The following LRRTM4 variants were observed in gnomAD, a reference collection of about 807,000 sequenced individuals.
The protein encoded by LRRTM4 is leucine rich repeat transmembrane neuronal 4.
LRRTM4 carries 25 observed loss-of-function variants against 47.6 expected under a neutral mutation model. The ratio of observed to expected loss-of-function variants is 0.53; its 90% CI spans 0.38 to 0.73. The LOEUF (loss-of-function observed/expected upper bound fraction) is 0.73, where lower values mean the gene tolerates loss of function less well. Among genes scored for constraint, LRRTM4 ranks in the 30% least tolerant of loss-of-function variants. The pLI is 0.00. For synonymous variants in LRRTM4, 311 were observed against 269.5 expected (o/e 1.15, Z -1.51); for missense variants, 638 against 713.4 (o/e 0.89, Z 1.20).
At position 76,748,508 on chromosome 2, in the gene LRRTM4, G is replaced by T. The variant is rs1490357415; in HGVS notation, c.*187C>A. On this transcript the variant is annotated 3_prime_UTR_variant, in exon 4 of 4. Transcript: ENST00000409884. ...AAAGTTCTGCAGTCCTCCCGGTAAT[G>T]CTGCAGGTGCATTCGCTGCCCTCTT... is the stretch of plus-strand genomic sequence containing the variant. 1.0e-5 allele frequency: 6 copies of T among 591,112 alleles called. No homozygotes were observed. The highest frequency in any genetic ancestry group is 9.0e-6 in the Non-Finnish European group (3 of 333,790). 36.6% of individuals were successfully genotyped at this position (591,112 alleles called of 1,614,324 possible). A position where few individuals can be genotyped will look rare whatever the true frequency, so the allele number is the denominator to read the frequency against.
chr2:77,308,460 C>A (rs1677351818), intron 3 of LRRTM4, among the ~76,000 whole-genome samples: 1 of 152,152 alleles, frequency 6.6e-6, no homozygotes, highest in African/African-American at 2.4e-5. Context: ...AACTGACTAG[C>A]CCCTTTTAAT....
chr2:76,757,379 C>G (rs1361305767), intron 3 of LRRTM4, among the ~76,000 whole-genome samples: 1 of 152,070 alleles, frequency 6.6e-6, no homozygotes, highest in Non-Finnish European at 1.5e-5. Flanking sequence ...CTTTATTGCT[C>G]TCCTACCAGG....
chr2:77,184,765 T>C (rs1163364267), intron 3 of LRRTM4, among the ~76,000 whole-genome samples: 5 of 152,154 alleles, frequency 3.3e-5, no homozygotes, highest in African/African-American at 1.2e-4. Flanking sequence ...TGGAAAGTTA[T>C]TTTAATCAGA....
chr2:77,293,385 A>C (rs911058853), intron 3 of LRRTM4, among the ~76,000 whole-genome samples: 4 of 152,150 alleles, frequency 2.6e-5, no homozygotes, highest in Non-Finnish European at 4.4e-5. Context: ...CAACCCATTA[A>C]GAGAAATCCA....
At chr2:77,255,140 A>G (rs542463492) in intron 3 of LRRTM4, among the ~76,000 whole-genome samples, 1 of 152,124 alleles carries the variant, frequency 6.6e-6, no homozygotes, top group Non-Finnish European at 1.5e-5. Flanking sequence ...GTATTAATAT[A>G]AAGTACACTT....
At chr2:76,897,762 T>G (rs747297201) in intron 3 of LRRTM4, among the ~76,000 whole-genome samples, 1 of 152,180 alleles carries the variant, frequency 6.6e-6, no homozygotes, top group Non-Finnish European at 1.5e-5. Flanking sequence ...CTTGGAGGCA[T>G]GTTAATTCCC....
intron 3 of LRRTM4, among the ~76,000 whole-genome samples, chr2:77,420,065 C>T (rs957569374): frequency 2.0e-5 from 3 of 152,092 alleles, no homozygotes; most frequent in Admixed American, 1.3e-4. Context: ...TAGAATTAAC[C>T]CAAGGGTGAG....
intron 3 of LRRTM4, among the ~76,000 whole-genome samples, chr2:77,238,696 A>C (rs562075876): frequency 3.6e-4 from 55 of 152,252 alleles, no homozygotes; most frequent in African/African-American, 1.3e-3. Context: ...AAAGTTACAG[A>C]TAGCCATCCA....
At chr2:76,849,104 A>G (rs1222249573) in intron 3 of LRRTM4, among the ~76,000 whole-genome samples, 1 of 152,122 alleles carries the variant, frequency 6.6e-6, no homozygotes, top group Non-Finnish European at 1.5e-5. Context: ...AATGGAAATA[A>G]GATTTTTTTT....
intron 3 of LRRTM4, among the ~76,000 whole-genome samples, chr2:77,481,806 G>A (rs752629576): frequency 6.6e-6 from 1 of 151,842 alleles, no homozygotes; most frequent in African/African-American, 2.4e-5. Flanking sequence ...AAGGATGAAG[G>A]CAACAGCTTT....
intron 3 of LRRTM4, among the ~76,000 whole-genome samples, chr2:76,858,885 G>A (rs1262956602): frequency 2.0e-5 from 3 of 152,050 alleles, no homozygotes; most frequent in Admixed American, 6.6e-5. Flanking sequence ...GAATAGTTCA[G>A]AACTTTGGAA....
At chr2:76,828,730 A>C (rs1043486954) in intron 3 of LRRTM4, among the ~76,000 whole-genome samples, 1 of 151,840 alleles carries the variant, frequency 6.6e-6, no homozygotes. Context: ...GTGCCTCCTC[A>C]CAGTAGCTAA....
chr2:77,228,186 G>T (rs2103964683), intron 3 of LRRTM4, among the ~76,000 whole-genome samples: 1 of 152,192 alleles, frequency 6.6e-6, no homozygotes, highest in African/African-American at 2.4e-5. Flanking sequence ...ACAGAATTAA[G>T]ATATTATTAT....
chr2:76,787,216 A>C (rs1055625487), intron 3 of LRRTM4, among the ~76,000 whole-genome samples: 1 of 152,082 alleles, frequency 6.6e-6, no homozygotes, highest in Non-Finnish European at 1.5e-5. Flanking sequence ...ATGATCTGGG[A>C]AACATGTTGA....
At chr2:77,276,343 AGG>A (rs201769343) in intron 3 of LRRTM4, among the ~76,000 whole-genome samples, 7,177 of 142,770 alleles carry the variant, frequency 0.05, 598 homozygotes, top group African/African-American at 0.18. Context: ...GAAGGAAGGA[AGG>A]AAAAAAGGAA....
At chr2:77,224,814 C>G (rs1426799861) in intron 3 of LRRTM4, among the ~76,000 whole-genome samples, 1 of 152,070 alleles carries the variant, frequency 6.6e-6, no homozygotes, top group Admixed American at 6.6e-5. Context: ...TGATTCCTCT[C>G]AGGGATCTAG....
intron 3 of LRRTM4, among the ~76,000 whole-genome samples, chr2:76,935,816 C>CCCA (rs1674926731): frequency 6.6e-6 from 1 of 152,158 alleles, no homozygotes; most frequent in East Asian, 1.9e-4. Flanking sequence ...CTCTTTCCCT[C>CCCA]ATTGAATACT....
chr2:77,049,231 T>C (rs1018387629), intron 3 of LRRTM4, among the ~76,000 whole-genome samples: 12 of 149,240 alleles, frequency 8.0e-5, no homozygotes, highest in Admixed American at 7.4e-4. Context: ...TCCTTATCTC[T>C]GCTATTGTGA....
chr2:76,916,222 T>C (rs910867552), intron 3 of LRRTM4, among the ~76,000 whole-genome samples: 1 of 150,900 alleles, frequency 6.6e-6, no homozygotes, highest in Non-Finnish European at 1.5e-5. Flanking sequence ...AAAAAATATG[T>C]ATGGTCCAAA....
Sources: allele counts gnomAD v4.1 joint callset (sites outside exome capture counted in the v4.1 genomes callset), GRCh38; gene constraint gnomAD v4.1.1; transcripts MANE v1.5; gene names NCBI Gene and HGNC (gene_info 2026-07-23, HGNC 2026-07-21).